The following ERC2 variants were observed in gnomAD, a reference collection of about 807,000 sequenced individuals.
ERC2 encodes the protein ELKS/RAB6-interacting/CAST family member 2.
In ERC2, 42 loss-of-function variants were observed where a neutral mutation model predicts 114.8. The observed-to-expected ratio is 0.37, with a 90% CI of 0.29 to 0.47. The LOEUF is 0.47. ERC2 is among the 20% of genes least tolerant of loss of function. The pLI, the probability that ERC2 is intolerant of heterozygous loss-of-function variation, is 0.99. For synonymous variants in ERC2, 454 were observed against 425.5 expected, an observed-to-expected ratio of 1.07 and a Z score of -0.82; for missense variants, 939 against 1,150.7, an observed-to-expected ratio of 0.82 and a Z score of 2.66.
intron 11 of ERC2, 134 bp from the exon 12 acceptor site, chr3:55,986,122 T>C (rs2070611215): frequency 2.7e-5 from 23 of 862,314 alleles, no homozygotes; most frequent in Middle Eastern, 2.3e-4. Context: ...AGCAGGTTTA[T>C]AACTAAACGA....
intron 2 of ERC2, among the ~76,000 whole-genome samples, chr3:56,357,969 C>G (rs560240133): frequency 6.6e-6 from 1 of 151,820 alleles, no homozygotes; most frequent in African/African-American, 2.4e-5. Flanking sequence ...CCACCAGACT[C>G]CTTCTGCCCT....
chr3:56,447,005 G>A (rs907025282), intron 1 of ERC2, among the ~76,000 whole-genome samples: 10 of 152,208 alleles, frequency 6.6e-5, no homozygotes, highest in African/African-American at 1.9e-4. Context: ...CGGCCTCATA[G>A]GTGCGCCTCC....
chr3:56,255,486 G>C (rs1869157), intron 3 of ERC2, among the ~76,000 whole-genome samples: 104,305 of 152,040 alleles, frequency 0.69, 37,024 homozygotes, highest in Non-Finnish European at 0.77. Flanking sequence ...GACCATGCAA[G>C]AGGCCTATTG....
At chr3:55,600,497 C>G (rs1196418392) in intron 17 of ERC2, among the ~76,000 whole-genome samples, 1 of 152,212 alleles carries the variant, frequency 6.6e-6, no homozygotes, top group Non-Finnish European at 1.5e-5. Flanking sequence ...ACATTCACGT[C>G]TGCCATCTTC....
intron 10 of ERC2, among the ~76,000 whole-genome samples, chr3:55,997,636 C>T (rs1219248643): frequency 6.7e-6 from 1 of 149,374 alleles, no homozygotes; most frequent in Non-Finnish European, 1.5e-5. Context: ...AGAAAAAGAA[C>T]CCAACTGAAG....
intron 14 of ERC2, among the ~76,000 whole-genome samples, chr3:55,767,437 A>G (rs1335854281): frequency 6.6e-6 from 1 of 152,150 alleles, no homozygotes; most frequent in African/African-American, 2.4e-5. Context: ...CTTTGCTTTC[A>G]GGCCAAGTAT....
intron 3 of ERC2, among the ~76,000 whole-genome samples, chr3:56,189,292 A>T (rs969569098): frequency 6.6e-6 from 1 of 152,214 alleles, no homozygotes; most frequent in Non-Finnish European, 1.5e-5. Context: ...TTTACGTGAG[A>T]TACCTCCAGG....
At chr3:56,155,582 G>A (rs2081665806) in intron 4 of ERC2, among the ~76,000 whole-genome samples, 1 of 152,034 alleles carries the variant, frequency 6.6e-6, no homozygotes, top group Non-Finnish European at 1.5e-5. Flanking sequence ...TAGCGTGAAA[G>A]GTAATGCCAA....
intron 14 of ERC2, among the ~76,000 whole-genome samples, chr3:55,848,459 G>A (rs758015452): frequency 1.8e-4 from 28 of 152,046 alleles, no homozygotes; most frequent in Admixed American, 4.6e-4. Flanking sequence ...AGGCATCCTC[G>A]CATTACACTT....
chr3:56,140,150 C>A (rs550296015), intron 5 of ERC2, among the ~76,000 whole-genome samples: 2 of 152,182 alleles, frequency 1.3e-5, no homozygotes, highest in East Asian at 3.9e-4. Context: ...TTTTTGCTTA[C>A]ATTAAATATT....
intron 12 of ERC2, among the ~76,000 whole-genome samples, chr3:55,954,932 G>C (rs1036639547): frequency 2.6e-4 from 39 of 151,734 alleles, no homozygotes; most frequent in African/African-American, 9.4e-4. Context: ...TCCATCAGAA[G>C]GAAACTGAAG....
chr3:55,516,193 C>A (rs2107163434), intron 17 of ERC2, among the ~76,000 whole-genome samples: 1 of 151,888 alleles, frequency 6.6e-6, no homozygotes, highest in East Asian at 1.9e-4. Flanking sequence ...TGCAGAACAG[C>A]TCCATGAAGC....
intron 13 of ERC2, among the ~76,000 whole-genome samples, chr3:55,947,001 G>A (rs1245108659): frequency 6.6e-6 from 1 of 152,202 alleles, no homozygotes; most frequent in East Asian, 1.9e-4. Context: ...CAGAGTGCCA[G>A]GCCATGCAGC....
intron 7 of ERC2, among the ~76,000 whole-genome samples, chr3:56,075,034 G>A (rs977236836): frequency 6.6e-6 from 1 of 152,150 alleles, no homozygotes; most frequent in African/African-American, 2.4e-5. Flanking sequence ...AGCCCTGAGA[G>A]GAAAGCCAAC....
chr3:55,518,677 T>A (rs548014757), intron 17 of ERC2, among the ~76,000 whole-genome samples: 1 of 152,280 alleles, frequency 6.6e-6, no homozygotes, highest in South Asian at 2.1e-4. Flanking sequence ...TTTAAGGCAA[T>A]GAAGTAGTTA....
At chr3:55,714,667 GTATATATATATATATATATATATATA>G (rs59969304) in intron 15 of ERC2, among the ~76,000 whole-genome samples, 6 of 88,596 alleles carry the variant, frequency 6.8e-5, no homozygotes, top group African/African-American at 2.5e-4. Flanking sequence ...GTGTGTGTGT[GTATATATATATATATATATATATATA>G]TATATATATA....
chr3:55,898,757 T>C (rs1166450283), intron 13 of ERC2, among the ~76,000 whole-genome samples: 1 of 152,238 alleles, frequency 6.6e-6, no homozygotes, highest in Non-Finnish European at 1.5e-5. Context: ...CATCACATTT[T>C]TCATCTTCAG....
intron 2 of ERC2, among the ~76,000 whole-genome samples, chr3:56,345,400 C>T (rs2058266733): frequency 2.0e-5 from 3 of 152,150 alleles, no homozygotes; most frequent in African/African-American, 7.2e-5. Flanking sequence ...CAAACACTAC[C>T]CAGAGAAGTT....
At chr3:55,762,192 C>G (rs1180952236) in intron 14 of ERC2, among the ~76,000 whole-genome samples, 1 of 152,100 alleles carries the variant, frequency 6.6e-6, no homozygotes, top group African/African-American at 2.4e-5. Flanking sequence ...GCCATACTTT[C>G]CTGACTCATG....
Sources: gnomAD v4.1 joint callset for allele counts (sites outside exome capture counted in the v4.1 genomes callset) on GRCh38, gnomAD v4.1.1 for gene constraint, MANE v1.5 for transcripts, NCBI Gene and HGNC (gene_info 2026-07-23, HGNC 2026-07-21) for gene names.